Variants in ATP2B1 observed in about 807,000 individuals in gnomAD.
ATP2B1 encodes ATPase plasma membrane Ca2+ transporting 1.
A neutral mutation model predicts 124.2 loss-of-function variants in ATP2B1; 14 were observed. The ratio of observed to expected loss-of-function variants is 0.11; its 90% CI spans 0.07 to 0.18. ATP2B1 has a LOEUF of 0.18. ATP2B1 is among the 10% of genes least tolerant of loss of function. The probability of loss-of-function intolerance (pLI) is 1.00; values close to 1 mark genes in which losing one functional copy is unlikely to be tolerated. For missense variants in ATP2B1, 763 were observed against 1,466.1 expected, an observed-to-expected ratio of 0.52 and a Z score of 7.83; for synonymous variants, 449 against 492.4, an observed-to-expected ratio of 0.91 and a Z score of 1.17.
At position 89,620,215 on chromosome 12, in the gene ATP2B1, G is replaced by A. The variant is rs1879734476; in HGVS notation, c.1613C>T (p.Pro538Leu). ...ILPPEKEGGL[P>L]RHVGNKTECA... ...TTCAGTTTTATTACCAACGTGACGA[G>A]GTAATCCACCCTCTTTCTCTGGTGG... The change falls in exon 11 of 21, where the codon CCT (proline) becomes CTT (leucine). Residue 538 changes from proline (P) to leucine (L), a missense_variant. Pro to Leu is a moderately conservative substitution (Grantham distance 98). This residue lies in a region of ATP2B1 where 392 missense variants were observed against 776.6 expected (regional missense o/e 0.50). Transcript: ENST00000428670. 6.2e-7 allele frequency: 1 copy of A among 1,613,838 alleles called. No individual in the cohort carries two copies. Among genetic ancestry groups the A allele is most frequent in the Non-Finnish European group, 8.5e-7 (1 of 1,179,942 alleles).
At chr12:89,642,946 T>C (rs1883797363) in intron 2 of ATP2B1, among the ~76,000 whole-genome samples, 1 of 151,930 alleles carries the variant, frequency 6.6e-6, no homozygotes, top group Admixed American at 6.6e-5. Context: ...TACCATCTTG[T>C]AGATGTTAGC....
chr12:89,657,806 G>A (rs1443946136), intron 1 of ATP2B1, among the ~76,000 whole-genome samples: 1 of 152,214 alleles, frequency 6.6e-6, no homozygotes, highest in East Asian at 1.9e-4. Context: ...TGGAGAATGG[G>A]CTAAAAACTT....
intron 3 of ATP2B1, among the ~76,000 whole-genome samples, chr12:89,635,512 A>G (rs1010560218): frequency 1.3e-5 from 2 of 152,158 alleles, no homozygotes; most frequent in African/African-American, 2.4e-5. Context: ...AGGAGATGAA[A>G]TATCAGTCCT....
chr12:89,671,747 C>T (rs1293209756), intron 1 of ATP2B1, among the ~76,000 whole-genome samples: 2 of 148,284 alleles, frequency 1.3e-5, no homozygotes, highest in African/African-American at 5.0e-5. Flanking sequence ...CTAGCCAAGA[C>T]CTGAGAGTCT....
chr12:89,670,734 C>T (rs12305826), intron 1 of ATP2B1, among the ~76,000 whole-genome samples: 1 of 151,788 alleles, frequency 6.6e-6, no homozygotes, highest in Non-Finnish European at 1.5e-5. Context: ...CAAACTTTGG[C>T]TTAACAATCA....
intron 1 of ATP2B1, among the ~76,000 whole-genome samples, chr12:89,696,780 A>G (rs1269486661): frequency 6.6e-6 from 1 of 152,178 alleles, no homozygotes; most frequent in Admixed American, 6.5e-5. Flanking sequence ...CTCTTTCTAT[A>G]GAGAATATCT....
intron 1 of ATP2B1, among the ~76,000 whole-genome samples, chr12:89,702,466 G>T (rs1243951614): frequency 6.6e-6 from 1 of 152,188 alleles, no homozygotes. Flanking sequence ...GAGAGTACAA[G>T]ATTATTATTT....
chr12:89,660,567 T>C (rs1886585142), intron 1 of ATP2B1, among the ~76,000 whole-genome samples: 1 of 152,180 alleles, frequency 6.6e-6, no homozygotes, highest in African/African-American at 2.4e-5. Flanking sequence ...GAACGTAATA[T>C]CTAACAAAGG....
intron 1 of ATP2B1, among the ~76,000 whole-genome samples, chr12:89,704,651 T>A (rs143784354): frequency 2.6e-4 from 39 of 152,270 alleles, no homozygotes; most frequent in African/African-American, 9.4e-4. Context: ...AGTACAATTG[T>A]CTGCCTTACT....
At chr12:89,597,392 C>A (rs566683711) in intron 20 of ATP2B1, among the ~76,000 whole-genome samples, 3 of 152,142 alleles carry the variant, frequency 2.0e-5, no homozygotes, top group African/African-American at 4.8e-5. Context: ...CATCATGCGG[C>A]CTCTGCTTAT....
At chr12:89,619,927 A>G (rs768184212) in intron 11 of ATP2B1, 72 bp downstream of exon 11, 6 of 1,539,110 alleles carry the variant, frequency 3.9e-6, no homozygotes, top group Non-Finnish European at 5.3e-6. Context: ...GACAACAACA[A>G]TAACAACACA....
At chr12:89,652,584 C>T (rs1044021849) in intron 2 of ATP2B1, among the ~76,000 whole-genome samples, 1 of 152,234 alleles carries the variant, frequency 6.6e-6, no homozygotes, top group Non-Finnish European at 1.5e-5. Flanking sequence ...CTTGGACGTA[C>T]AAACTCCTAA....
At chr12:89,653,222 G>A (rs1475855279) in intron 2 of ATP2B1, among the ~76,000 whole-genome samples, 2 of 151,698 alleles carry the variant, frequency 1.3e-5, no homozygotes, top group Non-Finnish European at 2.9e-5. Context: ...AATTAGAGAG[G>A]GGATAATGCA....
At chr12:89,652,349 T>C (rs1885366788) in intron 2 of ATP2B1, among the ~76,000 whole-genome samples, 1 of 152,162 alleles carries the variant, frequency 6.6e-6, no homozygotes, top group Non-Finnish European at 1.5e-5. Context: ...CCACCACCTT[T>C]TTTAGAGGAA....
At chr12:89,667,920 GA>G (rs1180625530) in intron 1 of ATP2B1, among the ~76,000 whole-genome samples, 1 of 152,112 alleles carries the variant, frequency 6.6e-6, no homozygotes, top group Non-Finnish European at 1.5e-5. Flanking sequence ...AAAAGAATCT[GA>G]ATAGCCAAAA....
At position 89,649,307 on chromosome 12, in the gene ATP2B1, T is replaced by G. The variant is rs193140106; in HGVS notation, c.208+6372A>C. Among the ~76,000 whole-genome samples the G allele has an allele frequency of 3.0e-4, 46 of 152,350 alleles. No individual in the cohort carries two copies. In the East Asian group the frequency reaches 8.3e-3, roughly 27 times the overall value. On this transcript the variant is annotated intron_variant, in intron 2 of 20. Coordinates refer to ENST00000428670, the MANE Select transcript of ATP2B1 (RefSeq NM_001366521.1). ...AGCCACAGGGGCTGCACCTACCTTA[T>G]AAAGCCACAGAGGCGGAGCTGCCCA... is the stretch of plus-strand genomic sequence containing the variant.
At chr12:89,610,858 A>T (rs562062494) in intron 13 of ATP2B1, among the ~76,000 whole-genome samples, 43 of 152,138 alleles carry the variant, frequency 2.8e-4, no homozygotes, top group Non-Finnish European at 5.9e-4. Flanking sequence ...AAGTTCAGAG[A>T]GTTTGGGGCC....
chr12:89,660,680 T>A (rs1436167423), intron 1 of ATP2B1, among the ~76,000 whole-genome samples: 1 of 152,210 alleles, frequency 6.6e-6, no homozygotes, highest in East Asian at 1.9e-4. Context: ...TCTTATTAAA[T>A]GTGTAAATAC....
At chr12:89,645,206 CTTAAG>C (rs755839273) in intron 2 of ATP2B1, among the ~76,000 whole-genome samples, 2 of 152,168 alleles carry the variant, frequency 1.3e-5, no homozygotes, top group Non-Finnish European at 2.9e-5. Context: ...CAGGGCAACT[CTTAAG>C]TTAAATAAGT....
Sources: gnomAD v4.1 joint callset for allele counts (sites outside exome capture counted in the v4.1 genomes callset) on GRCh38, gnomAD v4.1.1 for gene constraint, gnomAD v4.1.1 regional missense constraint, MANE v1.5 for transcripts, NCBI Gene and HGNC (gene_info 2026-07-23, HGNC 2026-07-21) for gene names.